FAAH2: variants seen among roughly 807,000 people sequenced by gnomAD.
FAAH2 encodes the protein fatty-acid amide hydrolase 2.
A neutral mutation model predicts 36.9 loss-of-function variants in FAAH2; 60 were observed. That is an observed-to-expected ratio of 1.63 (90% confidence interval 1.32 to 2.02). The LOEUF (loss-of-function observed/expected upper bound fraction) is 2.02. Among genes scored for constraint, FAAH2 ranks in the 30% most tolerant of loss-of-function variants. The probability of loss-of-function intolerance (pLI) is 0.00; values close to 1 mark genes in which losing one functional copy is unlikely to be tolerated. For synonymous variants in FAAH2, 214 were observed against 143.8 expected, an observed-to-expected ratio of 1.49 and a Z score of -3.49; for missense variants, 689 against 397.5, an observed-to-expected ratio of 1.73 and a Z score of -6.23.
At chrX:57,154,459 G>A in the FAAH2 span, among the ~76,000 whole-genome samples, 1 of 108,013 alleles carries the variant, frequency 9.3e-6, no homozygotes, top group African/African-American at 3.4e-5. Flanking sequence ...TTTTAGTAGA[G>A]ACAGGGTTTC....
At chrX:57,399,916 A>G (rs1045103729) in intron 7 of FAAH2, among the ~76,000 whole-genome samples, 2 of 112,085 alleles carry the variant, frequency 1.8e-5, no homozygotes, top group African/African-American at 6.5e-5. Context: ...GTATTCCATT[A>G]TCACTGACCA....
intron 7 of FAAH2, among the ~76,000 whole-genome samples, chrX:57,404,222 T>C (rs1569321439): frequency 8.9e-6 from 1 of 112,244 alleles, no homozygotes; most frequent in African/African-American, 3.2e-5. Flanking sequence ...GAGAAAACTT[T>C]CAGTTATCAA....
chrX:57,357,978 ATATACACCATGGAATAC>A (rs2073819263), intron 5 of FAAH2, among the ~76,000 whole-genome samples: 1 of 111,200 alleles, frequency 9.0e-6, no homozygotes, highest in Non-Finnish European at 1.9e-5. Context: ...AATGTGGCAA[ATATACACCATGGAATAC>A]TATGCAGCCA....
intron 5 of FAAH2, among the ~76,000 whole-genome samples, chrX:57,377,237 A>G (rs1396916159): frequency 8.9e-6 from 1 of 112,009 alleles, no homozygotes; most frequent in African/African-American, 3.2e-5. Context: ...TATGTCCTGA[A>G]TGGTATTGCC....
intron 10 of FAAH2, among the ~76,000 whole-genome samples, chrX:57,464,955 G>T (rs2057024372): frequency 8.9e-6 from 1 of 111,732 alleles, no homozygotes; most frequent in Non-Finnish European, 1.9e-5. Flanking sequence ...GATATTTAAG[G>T]ATATTCAGAC....
chrX:57,268,970 C>T, the FAAH2 span, among the ~76,000 whole-genome samples: 1 of 111,602 alleles, frequency 9.0e-6, no homozygotes, highest in African/African-American at 3.3e-5. Context: ...CAAGACCCAT[C>T]AGTATGCTGT....
chrX:57,430,041 G>A (rs1381394710), intron 7 of FAAH2, among the ~76,000 whole-genome samples: 2 of 110,830 alleles, frequency 1.8e-5, no homozygotes, highest in African/African-American at 6.6e-5. Context: ...AGGATGGGAG[G>A]GATCAGAGGG....
chrX:57,438,431 A>G (rs963527385), intron 8 of FAAH2, among the ~76,000 whole-genome samples: 4 of 108,122 alleles, frequency 3.7e-5, no homozygotes, highest in African/African-American at 1.3e-4. Flanking sequence ...TGAAAGAAAA[A>G]GTAGATGACA....
chrX:57,348,376 A>T lies in FAAH2; in HGVS notation c.742+6986A>T, dbSNP rs368196808. ...AACCAGAAGGACATCTTACATTGCT[A>T]TTGCTATTGACTACACTATGTTGAC... On this transcript the variant is annotated intron_variant, in intron 5 of 10. Coordinates refer to ENST00000374900, the MANE Select transcript of FAAH2 (RefSeq NM_174912.4). Among the ~76,000 whole-genome samples, 7 of 111,163 alleles carry T rather than the reference A, an allele frequency of 6.3e-5. No homozygotes were observed. The East Asian group carries it at 2.0e-3, about 32-fold the overall frequency.
At chrX:57,317,647 A>G (rs1417099684) in intron 3 of FAAH2, among the ~76,000 whole-genome samples, 1 of 111,872 alleles carries the variant, frequency 8.9e-6, no homozygotes, top group Non-Finnish European at 1.9e-5. Context: ...ACTTGAACTC[A>G]GCTCTGGACC....
intron 5 of FAAH2, among the ~76,000 whole-genome samples, chrX:57,359,106 C>T (rs1454194953): frequency 9.0e-6 from 1 of 110,930 alleles, no homozygotes; most frequent in Non-Finnish European, 1.9e-5. Context: ...TGTAGTCACA[C>T]TGTTGTGCTA....
At chrX:57,434,434 A>G (rs1350577618) in intron 8 of FAAH2, among the ~76,000 whole-genome samples, 1 of 110,015 alleles carries the variant, frequency 9.1e-6, no homozygotes, top group African/African-American at 3.3e-5. Flanking sequence ...TAGGCTGTTA[A>G]TATGAAATTT....
intron 7 of FAAH2, among the ~76,000 whole-genome samples, chrX:57,412,782 C>A (rs190158373): frequency 7.3e-4 from 82 of 111,565 alleles, no homozygotes; most frequent in African/African-American, 2.2e-3. Context: ...GGTTCTAGAT[C>A]CTCGAGGAAT....
rs1345530603 is a variant in FAAH2 at position 57,355,392 on chromosome X, T to C, written c.742+14002T>C. ...ATATTAACAATTAGGTGTCAACCCATGAGAATAAAACACATTTCTAAGGGA... is the reference window on the plus strand; with the variant it reads ...ATATTAACAATTAGGTGTCAACCCACGAGAATAAAACACATTTCTAAGGGA... On this transcript the variant is annotated intron_variant, in intron 5 of 10. Coordinates refer to ENST00000374900, the MANE Select transcript of FAAH2 (RefSeq NM_174912.4). Among the ~76,000 whole-genome samples, 4 of 111,205 alleles carry C rather than the reference T, an allele frequency of 3.6e-5. No homozygotes were observed. In the Admixed American group the frequency reaches 3.8e-4, roughly 11 times the overall value.
intron 7 of FAAH2, among the ~76,000 whole-genome samples, chrX:57,389,309 T>C (rs780172937): frequency 1.2e-5 from 1 of 80,759 alleles, no homozygotes; most frequent in Non-Finnish European, 2.5e-5. Flanking sequence ...TATATATACA[T>C]ATATAATATA....
chrX:57,416,759 T>C (rs1484256848), intron 7 of FAAH2, among the ~76,000 whole-genome samples: 1 of 111,889 alleles, frequency 8.9e-6, no homozygotes, highest in Non-Finnish European at 1.9e-5. Context: ...ATTTCCTGAA[T>C]TTGAATGTTG....
chrX:57,182,326 G>A, the FAAH2 span, among the ~76,000 whole-genome samples: 2 of 111,933 alleles, frequency 1.8e-5, no homozygotes, highest in East Asian at 5.5e-4. Flanking sequence ...TGCAAGTTAT[G>A]CATCTGGCAA....
chrX:57,368,180 A>G (rs756331159), intron 5 of FAAH2, among the ~76,000 whole-genome samples: 65 of 110,998 alleles, frequency 5.9e-4, no homozygotes, highest in Admixed American at 1.4e-3. Flanking sequence ...TGGCTCCAGC[A>G]AAACAGCTGC....
the FAAH2 span, among the ~76,000 whole-genome samples, chrX:57,249,444 A>G: frequency 1.9e-4 from 21 of 112,415 alleles, no homozygotes; most frequent in African/African-American, 6.5e-4. Flanking sequence ...AATTTTTCCA[A>G]GGCTCTGAAT....
Sources: gnomAD v4.1 joint callset for allele counts (sites outside exome capture counted in the v4.1 genomes callset) on GRCh38, gnomAD v4.1.1 for gene constraint, MANE v1.5 for transcripts, NCBI Gene and HGNC (gene_info 2026-07-23, HGNC 2026-07-21) for gene names.